The following UNC13C variants were observed in gnomAD, a reference collection of about 807,000 sequenced individuals.
The protein encoded by UNC13C is unc-13 homolog C, also known as protein unc-13 homolog C.
UNC13C carries 174 observed loss-of-function variants against 245.4 expected under a neutral mutation model. The observed-to-expected ratio is 0.71, with a 90% CI of 0.63 to 0.80. The LOEUF is 0.80. Ranked by LOEUF, UNC13C falls within the 30% of genes least tolerant of loss-of-function variation. The pLI is 0.00. For synonymous variants in UNC13C, 992 were observed against 895.1 expected (o/e 1.11, Z -1.93); for missense variants, 2,829 against 2,602.9 (o/e 1.09, Z -1.89).
At chr15:54,184,030 G>C (rs1458737990) in intron 4 of UNC13C, among the ~76,000 whole-genome samples, 1 of 151,990 alleles carries the variant, frequency 6.6e-6, no homozygotes, top group Non-Finnish European at 1.5e-5. Context: ...ACTTGAAATG[G>C]ATGATTTAAT....
the UNC13C span, among the ~76,000 whole-genome samples, chr15:53,915,136 T>TA: frequency 6.6e-6 from 1 of 152,204 alleles, no homozygotes; most frequent in Non-Finnish European, 1.5e-5. Flanking sequence ...CCATAAGGCC[T>TA]GCTTTGGCAA....
At chr15:54,199,440 T>G (rs2034453708) in intron 4 of UNC13C, among the ~76,000 whole-genome samples, 1 of 152,076 alleles carries the variant, frequency 6.6e-6, no homozygotes, top group South Asian at 2.1e-4. Context: ...AGTTGTGACG[T>G]AAAGCATCAG....
At chr15:54,384,019 A>G (rs1180968000) in intron 17 of UNC13C, among the ~76,000 whole-genome samples, 1 of 152,170 alleles carries the variant, frequency 6.6e-6, no homozygotes, top group Non-Finnish European at 1.5e-5. Context: ...AGACACAAAC[A>G]AATGGAAAGA....
chr15:54,447,767 A>G (rs566525879), intron 19 of UNC13C, among the ~76,000 whole-genome samples: 2 of 151,968 alleles, frequency 1.3e-5, no homozygotes, highest in African/African-American at 4.8e-5. Flanking sequence ...CTGTGTTGCT[A>G]TCTCCTTCAG....
chr15:54,190,777 C>T (rs545615727), intron 4 of UNC13C, among the ~76,000 whole-genome samples: 12 of 151,954 alleles, frequency 7.9e-5, no homozygotes, highest in South Asian at 2.1e-4. Flanking sequence ...TGCTTTTAAA[C>T]GTAACATTTT....
chr15:54,200,727 G>A (rs2034496270), intron 4 of UNC13C, among the ~76,000 whole-genome samples: 1 of 151,870 alleles, frequency 6.6e-6, no homozygotes, highest in African/African-American at 2.4e-5. Context: ...GTCTGAAAGA[G>A]CACTCAGACA....
the UNC13C span, among the ~76,000 whole-genome samples, chr15:53,963,807 CAAACTT>C: frequency 2.6e-5 from 4 of 152,006 alleles, no homozygotes; most frequent in Non-Finnish European, 4.4e-5. Flanking sequence ...TCATGGTTCA[CAAACTT>C]AAAATGACTA....
intron 2 of UNC13C, among the ~76,000 whole-genome samples, chr15:54,121,169 A>C (rs1376783533): frequency 6.6e-6 from 1 of 152,176 alleles, no homozygotes; most frequent in Non-Finnish European, 1.5e-5. Flanking sequence ...GGAAGAGTCA[A>C]TGAATGTGCC....
chr15:54,072,023 A>G (rs1019734883), intron 2 of UNC13C, among the ~76,000 whole-genome samples: 1 of 152,110 alleles, frequency 6.6e-6, no homozygotes, highest in Non-Finnish European at 1.5e-5. Context: ...ATTTGCTTCT[A>G]CTGCCATCTG....
the UNC13C span, among the ~76,000 whole-genome samples, chr15:53,845,914 C>T: frequency 1.3e-5 from 2 of 151,200 alleles, no homozygotes; most frequent in Non-Finnish European, 3.0e-5. Context: ...ACTTACTTCT[C>T]TTTTTTTTTA....
chr15:54,114,866 G>A (rs756375401), intron 2 of UNC13C, among the ~76,000 whole-genome samples: 28 of 151,938 alleles, frequency 1.8e-4, no homozygotes, highest in Middle Eastern at 3.2e-3. Flanking sequence ...ATTATTTTCC[G>A]TTCCAGTGGC....
intron 29 of UNC13C, among the ~76,000 whole-genome samples, chr15:54,556,574 G>A (rs1256248674): frequency 1.3e-5 from 2 of 151,600 alleles, no homozygotes; most frequent in East Asian, 3.9e-4. Flanking sequence ...AATGTTGTCT[G>A]GAAATATGGA....
chr15:53,916,599 C>T, the UNC13C span, among the ~76,000 whole-genome samples: 1 of 152,276 alleles, frequency 6.6e-6, no homozygotes. Context: ...CACCTAGAAG[C>T]TCTATGCAGT....
chr15:54,543,806 A>G (rs1036149173), intron 26 of UNC13C, among the ~76,000 whole-genome samples: 1 of 151,962 alleles, frequency 6.6e-6, no homozygotes, highest in African/African-American at 2.4e-5. Context: ...GTAATTAATA[A>G]TGTACCAACC....
In UNC13C at chr15:54,012,697, T is replaced by C. The variant is rs12911018; in HGVS notation, c.-207T>C. Among the ~76,000 whole-genome samples, 43,796 of 152,090 alleles carry C rather than the reference T, an allele frequency of 0.29. 6,983 individuals are homozygous for C. The highest frequency in any genetic ancestry group is 0.41 in the South Asian group (1,984 of 4,818). On this transcript the variant is annotated 5_prime_UTR_variant, in exon 2 of 33. Transcript: ENST00000260323. Reference sequence around the variant, plus strand: ...TGAGAGAGATTCATGAAACCCCTCCTCCAGGAAAGAATGTCTTTCACAGAT... The same window carrying C: ...TGAGAGAGATTCATGAAACCCCTCCCCCAGGAAAGAATGTCTTTCACAGAT...
chr15:53,912,602 G>C, the UNC13C span: 1 of 152,014 alleles, frequency 6.6e-6, no homozygotes, highest in Non-Finnish European at 1.5e-5. Flanking sequence ...TCTGGGGGTG[G>C]ACATTTTGCA....
intron 13 of UNC13C, among the ~76,000 whole-genome samples, chr15:54,314,740 GTT>G (rs558270119): frequency 3.8e-4 from 57 of 151,870 alleles, no homozygotes; most frequent in African/African-American, 9.6e-4. Flanking sequence ...TTTTCATGCT[GTT>G]CATGATAGGA....
the UNC13C span, among the ~76,000 whole-genome samples, chr15:53,891,898 T>C: frequency 6.6e-6 from 1 of 152,246 alleles, no homozygotes; most frequent in African/African-American, 2.4e-5. Flanking sequence ...TTTGATCCTG[T>C]CATTATGATG....
chr15:54,018,774 T>C (rs1465613718), intron 2 of UNC13C, among the ~76,000 whole-genome samples: 2 of 152,354 alleles, frequency 1.3e-5, no homozygotes, highest in East Asian at 3.9e-4. Flanking sequence ...TGTGCATTTC[T>C]CATTTTCTAT....
Sources: gnomAD v4.1 joint callset for allele counts (sites outside exome capture counted in the v4.1 genomes callset) on GRCh38, gnomAD v4.1.1 for gene constraint, MANE v1.5 for transcripts, NCBI Gene and HGNC (gene_info 2026-07-23, HGNC 2026-07-21) for gene names.